Variants in RAD51B observed in about 807,000 individuals in gnomAD.
RAD51B encodes the protein RAD51 paralog B.
RAD51B carries 38 observed loss-of-function variants against 42.2 expected under a neutral mutation model. That is an observed-to-expected ratio of 0.90 (90% CI 0.70 to 1.18). The LOEUF (loss-of-function observed/expected upper bound fraction) is 1.18, where lower values mean the gene tolerates loss of function less well. Among genes scored for constraint, RAD51B ranks in the 50% most tolerant of loss-of-function variants. The probability of loss-of-function intolerance (pLI) is 0.00; values close to 1 mark genes in which losing one functional copy is unlikely to be tolerated. For synonymous variants in RAD51B, 154 were observed against 145.2 expected (o/e 1.06, Z -0.43); for missense variants, 373 against 400.7 (o/e 0.93, Z 0.59).
chr14:68,243,174 C>T (rs1190447478), intron 7 of RAD51B, among the ~76,000 whole-genome samples: 3 of 152,082 alleles, frequency 2.0e-5, no homozygotes, highest in East Asian at 1.9e-4. Context: ...AATCGATACC[C>T]GTTGCCTTCA....
chr14:68,650,184 C>T (rs1373112373), intron 10 of RAD51B, among the ~76,000 whole-genome samples: 3 of 152,202 alleles, frequency 2.0e-5, no homozygotes, highest in Non-Finnish European at 2.9e-5. Context: ...TACCCAAGGA[C>T]CTCTGCACCC....
At chr14:67,913,848 A>G (rs1349885480) in intron 7 of RAD51B, among the ~76,000 whole-genome samples, 2 of 152,148 alleles carry the variant, frequency 1.3e-5, no homozygotes, top group Admixed American at 1.3e-4. Context: ...ATTATTGACT[A>G]TAGTCACCTG....
At chr14:67,916,887 C>T (rs917452248) in intron 7 of RAD51B, among the ~76,000 whole-genome samples, 9 of 151,806 alleles carry the variant, frequency 5.9e-5, no homozygotes, top group Non-Finnish European at 1.2e-4. Flanking sequence ...TGGTAGAGGA[C>T]GGAGGATGGG....
At chr14:67,842,343 G>A (rs981487597) in intron 4 of RAD51B, among the ~76,000 whole-genome samples, 1 of 152,050 alleles carries the variant, frequency 6.6e-6, no homozygotes, top group East Asian at 1.9e-4. Context: ...AGTGAAGAGA[G>A]ATGATTTTGC....
intron 7 of RAD51B, among the ~76,000 whole-genome samples, chr14:68,275,837 CACA>C (rs1566778295): frequency 1.0e-3 from 143 of 139,684 alleles, no homozygotes; most frequent in African/African-American, 2.9e-3. Context: ...CACACACACA[CACA>C]CCCTTGAATT....
intron 9 of RAD51B, among the ~76,000 whole-genome samples, chr14:68,445,966 G>A (rs2085410569): frequency 6.6e-6 from 1 of 152,166 alleles, no homozygotes; most frequent in African/African-American, 2.4e-5. Flanking sequence ...AGACTCTAGA[G>A]GGGCTCAAAA....
At chr14:68,115,542 TAA>T (rs368351598) in intron 7 of RAD51B, among the ~76,000 whole-genome samples, 137 of 67,990 alleles carry the variant, frequency 2.0e-3, no homozygotes, top group African/African-American at 4.6e-3. Flanking sequence ...ACTTAAAGTA[TAA>T]AAAAAAAAAA....
intron 8 of RAD51B, among the ~76,000 whole-genome samples, chr14:68,383,763 C>A (rs889975185): frequency 5.3e-5 from 8 of 152,134 alleles, no homozygotes; most frequent in African/African-American, 1.9e-4. Context: ...TGCTGCCCTG[C>A]GTTATCAGAG....
chr14:67,879,142 A>G (rs1314748067), intron 5 of RAD51B, among the ~76,000 whole-genome samples: 2 of 152,258 alleles, frequency 1.3e-5, no homozygotes, highest in Non-Finnish European at 2.9e-5. Context: ...TCCATAGGGC[A>G]GGCTGTTGGA....
At chr14:68,111,376 G>A (rs1185380872) in intron 7 of RAD51B, among the ~76,000 whole-genome samples, 1 of 152,028 alleles carries the variant, frequency 6.6e-6, no homozygotes, top group Non-Finnish European at 1.5e-5. Context: ...GAAGAATAGA[G>A]GCCAGGAATA....
intron 7 of RAD51B, among the ~76,000 whole-genome samples, chr14:68,035,302 A>G (rs1408986551): frequency 6.6e-6 from 1 of 152,190 alleles, no homozygotes; most frequent in Non-Finnish European, 1.5e-5. Flanking sequence ...TTTTATGTAT[A>G]TGCCCAAATA....
At chr14:68,411,663 A>G (rs2084424998) in intron 9 of RAD51B, 136 bp downstream of exon 9, 1 of 712,166 alleles carries the variant, frequency 1.4e-6, no homozygotes. Flanking sequence ...TAAAGAAACC[A>G]GCATTTCTGC....
At chr14:67,841,492 C>T (rs953139222) in intron 4 of RAD51B, among the ~76,000 whole-genome samples, 1 of 152,088 alleles carries the variant, frequency 6.6e-6, no homozygotes, top group Non-Finnish European at 1.5e-5. Flanking sequence ...AGTTCTTTGC[C>T]AAGGCTGATG....
intron 7 of RAD51B, among the ~76,000 whole-genome samples, chr14:68,112,422 T>C (rs34144798): frequency 0.018 from 2,765 of 152,188 alleles, 94 homozygotes; most frequent in African/African-American, 0.062. Context: ...AGTCACTTGA[T>C]TCATAGGGTG....
intron 7 of RAD51B, among the ~76,000 whole-genome samples, chr14:68,054,578 C>T (rs529084031): frequency 1.4e-4 from 22 of 152,192 alleles, no homozygotes; most frequent in African/African-American, 5.1e-4. Flanking sequence ...AATAAATTTA[C>T]TTATTTACTC....
intron 10 of RAD51B, chr14:68,563,152 A>T: frequency 1.0e-6 from 1 of 985,286 alleles, no homozygotes; most frequent in South Asian, 4.7e-5. Flanking sequence ...CGAAGGAGAG[A>T]AGTTCTTTAT....
At chr14:68,571,371 T>C (rs1233845544) in intron 10 of RAD51B, among the ~76,000 whole-genome samples, 2 of 152,232 alleles carry the variant, frequency 1.3e-5, no homozygotes, top group African/African-American at 4.8e-5. Context: ...AAAATCAGTG[T>C]CGTCAGGGCA....
chr14:68,107,015 C>G (rs1335392409), intron 7 of RAD51B, among the ~76,000 whole-genome samples: 1 of 151,776 alleles, frequency 6.6e-6, no homozygotes, highest in African/African-American at 2.4e-5. Context: ...CTGTGAGTGA[C>G]CAGTCTATTT....
intron 7 of RAD51B, among the ~76,000 whole-genome samples, chr14:68,170,538 A>G (rs2078851169): frequency 6.6e-6 from 1 of 152,214 alleles, no homozygotes; most frequent in Non-Finnish European, 1.5e-5. Flanking sequence ...TTAGTGTTCT[A>G]AAACCACACC....
Sources: gnomAD v4.1 joint callset for allele counts (sites outside exome capture counted in the v4.1 genomes callset) on GRCh38, gnomAD v4.1.1 for gene constraint, MANE v1.5 for transcripts, NCBI Gene and HGNC (gene_info 2026-07-23, HGNC 2026-07-21) for gene names.